SASH1: variants seen among roughly 807,000 people sequenced by gnomAD.
SASH1 encodes the protein SAM and SH3 domain containing 1.
SASH1 carries 44 observed loss-of-function variants against 125.2 expected under a neutral mutation model. The observed-to-expected ratio is 0.35, with a 90% confidence interval of 0.28 to 0.45. The LOEUF is 0.45. Ranked by LOEUF, SASH1 falls within the 20% of genes least tolerant of loss-of-function variation. The pLI, the probability that SASH1 is intolerant of heterozygous loss-of-function variation, is 1.00. For synonymous variants in SASH1, 639 were observed against 649.1 expected (o/e 0.98, Z 0.24); for missense variants, 1,426 against 1,614.5 (o/e 0.88, Z 2.00).
intron 8 of SASH1, chr6:148,512,702 C>T: frequency 1.0e-6 from 1 of 985,350 alleles, no homozygotes; most frequent in Non-Finnish European, 1.2e-6. Context: ...CCTGGGAGTC[C>T]AGTTCCCATT....
rs1395801329 is a variant in SASH1, at chr6:148,305,366, G to A, written n.74+32989G>A. Among the ~76,000 whole-genome samples the A allele has an allele frequency of 4.0e-5, 6 of 151,532 alleles. No individual in the cohort carries two copies. The East Asian group carries it at 1.2e-3, about 30-fold the overall frequency. On this transcript the variant is annotated intron_variant and non_coding_transcript_variant, in intron 1 of 3. Coordinates refer to the SASH1 transcript ENST00000367469. ...CTCACGCCTGTAATCCCAGCACTTC[G>A]GGAAACCGAGGCGGGGGGATCATGA...
chr6:148,244,932 ATGTGTGTGTGTGTG>A, the SASH1 span, among the ~76,000 whole-genome samples: 1 of 119,830 alleles, frequency 8.3e-6, no homozygotes, highest in Non-Finnish European at 1.7e-5. Flanking sequence ...GTGTGTGTGT[ATGTGTGTGTGTGTG>A]TGTGTGTGTG....
At chr6:148,429,679 G>A (rs1775982110) in intron 2 of SASH1, among the ~76,000 whole-genome samples, 1 of 151,774 alleles carries the variant, frequency 6.6e-6, no homozygotes, top group African/African-American at 2.4e-5. Context: ...GGAGGTCAAG[G>A]CTGTAGCGAG....
At position 148,343,239 on chromosome 6, in the gene SASH1, A is replaced by G; in HGVS notation, c.156+16A>G. ...GGGTATCCTGGTAAGTTACCTGGGG[A>G]GGGGGCGGCGCAGGAAGTACAGTTC... is the stretch of plus-strand genomic sequence containing the variant. On this transcript the variant is annotated intron_variant, in intron 1 of 19. Coordinates refer to ENST00000367467, the MANE Select transcript of SASH1 (RefSeq NM_015278.5). 1 of 1,580,256 alleles carries G rather than the reference A, an allele frequency of 6.3e-7. No homozygotes were observed.
At chr6:148,322,754 G>A (rs1349111306) in intron 1 of SASH1, among the ~76,000 whole-genome samples, 1 of 152,022 alleles carries the variant, frequency 6.6e-6, no homozygotes, top group East Asian at 1.9e-4. Context: ...CTCAGACATT[G>A]TGTCATTTTT....
intron 2 of SASH1, among the ~76,000 whole-genome samples, chr6:148,394,805 C>T (rs34646778): frequency 0.029 from 4,394 of 152,164 alleles, 87 homozygotes; most frequent in Non-Finnish European, 0.041. Context: ...CCACCCCTCC[C>T]GGCTAATTTT....
intron 1 of SASH1, among the ~76,000 whole-genome samples, chr6:148,374,923 G>A (rs370948590): frequency 2.6e-5 from 4 of 151,938 alleles, no homozygotes; most frequent in South Asian, 4.1e-4. Context: ...CCTCGAACAC[G>A]TGGCCTCAAG....
In SASH1 at chr6:148,519,787, AG is replaced by A; in HGVS notation, c.1104del (p.Met369TrpfsTer25). ...CGGGGCCTGATTAAGCCCCCCAAGAAGATGGGGACATTCTTCTCCTACCCAG... is the reference window on the plus strand; with the variant it reads ...CGGGGCCTGATTAAGCCCCCCAAGAAATGGGGACATTCTTCTCCTACCCAG... ...ESRGLIKPPK[K>X]MGTFFSYPEE... On this transcript the variant is annotated frameshift_variant, in exon 10 of 20. Coordinates refer to ENST00000367467, the MANE Select transcript of SASH1 (RefSeq NM_015278.5). LOFTEE classifies it high-confidence loss of function. The surrounding 1 kb of genome is among the most constrained non-coding windows in gnomAD (Gnocchi z 4.8). 1 of 1,614,070 alleles carries A rather than the reference AG, an allele frequency of 6.2e-7. No homozygotes were observed.
intron 1 of SASH1, among the ~76,000 whole-genome samples, chr6:148,274,125 A>G (rs138101924): frequency 6.6e-6 from 1 of 152,318 alleles, no homozygotes; most frequent in Non-Finnish European, 1.5e-5. Flanking sequence ...AAAGCAAAAA[A>G]TGTCTGAAAT....
intron 4 of SASH1, 95 bp from the exon 5 acceptor site, chr6:148,468,450 G>A: frequency 1.1e-6 from 1 of 877,468 alleles, no homozygotes; most frequent in East Asian, 2.5e-5. Flanking sequence ...GCTGTATTAA[G>A]TAGTATTGAT....
At chr6:148,542,785 A>G (rs2115448257) in intron 17 of SASH1, among the ~76,000 whole-genome samples, 1 of 152,324 alleles carries the variant, frequency 6.6e-6, no homozygotes, top group South Asian at 2.1e-4. Flanking sequence ...TCAGTGTGGA[A>G]CATACAGGTG....
upstream of SASH1, among the ~76,000 whole-genome samples, chr6:148,267,365 T>TGTGTGTGTGTGTGTGTGTGTGTGTG (rs1778971560): frequency 7.7e-6 from 1 of 130,014 alleles, no homozygotes; most frequent in Non-Finnish European, 1.6e-5. Context: ...CAGTACTACT[T>TGTGTGTGTGTGTGTGTGTGTGTGTG]TGTGTGTGTG....
the SASH1 span, among the ~76,000 whole-genome samples, chr6:148,194,905 CA>C: frequency 8.4e-4 from 127 of 151,508 alleles, no homozygotes; most frequent in African/African-American, 3.0e-3. Flanking sequence ...GACTCCGTCT[CA>C]AAACAAAACA....
Position 148,514,458 on chromosome 6 carries a change from T to TAAAAAAAAAAAAAAA in SASH1, c.862+16_862+30dup, listed in dbSNP as rs10710533. On this transcript the variant is annotated splice_region_variant and intron_variant, in intron 9 of 19. Transcript: ENST00000367467. The stretch of plus-strand genomic sequence containing the variant: ...AAATGAAAAAACCCAGCACTGAAGG[T>TAAAAAAAAAAAAAAA]AAAAAAAAAAAAAAAAAAAAAAAAA... 1.1e-4 allele frequency: 61 copies of TAAAAAAAAAAAAAAA among 573,372 alleles called. 6 individuals carry two copies. The highest frequency in any genetic ancestry group is 2.3e-4 in the East Asian group (2 of 8,786). 35.5% of individuals were successfully genotyped at this position (573,372 alleles called of 1,614,324 possible).
intron 1 of SASH1, among the ~76,000 whole-genome samples, chr6:148,364,616 C>T (rs1476856198): frequency 6.6e-6 from 1 of 151,968 alleles, no homozygotes; most frequent in Non-Finnish European, 1.5e-5. Context: ...ATAGTTGGGA[C>T]AGGAAATGAC....
chr6:148,372,292 T>C (rs899421108), intron 1 of SASH1, among the ~76,000 whole-genome samples: 6 of 152,246 alleles, frequency 3.9e-5, no homozygotes, highest in African/African-American at 1.4e-4. Flanking sequence ...TACATTTTAC[T>C]TTCTCACATA....
intron 1 of SASH1, among the ~76,000 whole-genome samples, chr6:148,314,725 C>T (rs1780435075): frequency 6.6e-6 from 1 of 151,596 alleles, no homozygotes; most frequent in African/African-American, 2.4e-5. Flanking sequence ...ATTCCTTTTG[C>T]TCCCCTAAGT....
intron 2 of SASH1, among the ~76,000 whole-genome samples, chr6:148,420,099 C>G (rs570244704): frequency 1.6e-4 from 24 of 152,190 alleles, no homozygotes; most frequent in Admixed American, 6.5e-4. Flanking sequence ...CTGCAAAGAT[C>G]TATGTGTAGA....
rs1438253310 is a variant in SASH1 at position 148,544,015 on chromosome 6, G to A, written c.2545G>A (p.Ala849Thr). The A allele has an allele frequency of 1.2e-6, 2 of 1,614,034 alleles. No homozygotes were observed. Among genetic ancestry groups the A allele is most frequent in the African/African-American group, 2.7e-5 (2 of 74,916 alleles). The stretch of plus-strand genomic sequence containing the variant: ...GGATGACCTTCAAGTGGAGCCTGGT[G>A]CTGAGCAAGACGTGCCTACCGAGGT... ...SLDDLQVEPG[A>T]EQDVPTEVTE... The change falls in exon 18 of 20, where the codon GCT becomes ACT. Residue 849 changes from alanine to threonine, a missense_variant. Coordinates refer to ENST00000367467, the MANE Select transcript of SASH1 (RefSeq NM_015278.5). The surrounding 1 kb of genome is among the most constrained non-coding windows in gnomAD (Gnocchi z 6.4).
Sources: gnomAD v4.1 joint callset for allele counts (sites outside exome capture counted in the v4.1 genomes callset) on GRCh38, gnomAD v4.1.1 for gene constraint, Gnocchi (gnomAD v3.1) non-coding constraint, MANE v1.5 for transcripts, NCBI Gene and HGNC (gene_info 2026-07-23, HGNC 2026-07-21) for gene names.